The following SECISBP2 variants were observed in gnomAD, a reference collection of about 807,000 sequenced individuals.
SECISBP2 encodes the protein SECIS binding protein 2, also known as selenocysteine insertion sequence-binding protein 2.
SECISBP2 carries 96 observed loss-of-function variants against 98.2 expected under a neutral mutation model. The ratio of observed to expected loss-of-function variants is 0.98; its 90% CI spans 0.83 to 1.16. The LOEUF (loss-of-function observed/expected upper bound fraction) is 1.16, where lower values mean the gene tolerates loss of function less well. SECISBP2 is among the 50% of genes most tolerant of loss of function. The probability of loss-of-function intolerance (pLI) is 0.00; values close to 1 mark genes in which losing one functional copy is unlikely to be tolerated. For synonymous variants in SECISBP2, 407 were observed against 370.2 expected (o/e 1.10, Z -1.14); for missense variants, 1,046 against 1,022.9 (o/e 1.02, Z -0.31).
chr9:89,327,196 C>A (rs1826872056), intron 4 of SECISBP2, among the ~76,000 whole-genome samples: 1 of 151,932 alleles, frequency 6.6e-6, no homozygotes, highest in Non-Finnish European at 1.5e-5. Context: ...AATGTTTTAC[C>A]CGTATAGGGC....
chr9:89,337,697 A>G (rs1341888842), intron 7 of SECISBP2, among the ~76,000 whole-genome samples: 2 of 152,228 alleles, frequency 1.3e-5, no homozygotes, highest in South Asian at 2.1e-4. Flanking sequence ...TCTGAAGTGT[A>G]AATTCGCACT....
chr9:89,326,074 T>A, intron 4 of SECISBP2, 36 bp downstream of exon 4: 1 of 1,602,756 alleles, frequency 6.2e-7, no homozygotes, highest in Non-Finnish European at 8.5e-7. Context: ...AATGCGAGCC[T>A]ACTCCTTGTG....
downstream of SECISBP2, chr9:89,364,086 C>T: frequency 6.4e-7 from 1 of 1,555,060 alleles, no homozygotes; most frequent in Admixed American, 1.8e-5. Context: ...AATTCAGTCC[C>T]TGGGACTGCC....
At position 89,325,906 on chromosome 9, in the gene SECISBP2, T is replaced by C. The variant is rs748219523; in HGVS notation, c.442T>C (p.Tyr148His). 14 of 1,613,900 alleles carry C rather than the reference T, an allele frequency of 8.7e-6. No individual in the cohort carries two copies. The Admixed American group carries it at 1.7e-4, about 19-fold the overall frequency. The change falls in exon 4 of 17, where the codon TAT becomes CAT. Residue 148 changes from tyrosine to histidine, a missense_variant. Tyr to His is a moderately conservative substitution (Grantham distance 83). Coordinates refer to ENST00000375807, the MANE Select transcript of SECISBP2 (RefSeq NM_024077.5). ...TTAATCTTTCCTGCAGAAGAAAACC[T>C]ATGATGAGAAAAAAACGTATGATCA... ...EMKALFKKKTYDEKKTYDQQK... is the reference protein window; with the variant it reads ...EMKALFKKKTHDEKKTYDQQK...
At chr9:89,354,758 T>C (rs564207869) in intron 14 of SECISBP2, 34 of 985,384 alleles carry the variant, frequency 3.5e-5, no homozygotes, top group Middle Eastern at 1.0e-3. Flanking sequence ...TTAGGTTGTT[T>C]CTGCACAGTG....
In SECISBP2 at chr9:89,318,601, C is replaced by T. The variant is rs780299584; in HGVS notation, c.25C>T (p.Pro9Ser). 1 of 1,460,256 alleles carries T rather than the reference C, an allele frequency of 6.8e-7. No homozygotes were observed. The highest frequency in any genetic ancestry group is 1.3e-5 in the South Asian group (1 of 74,908). The allele number at this position is 1,460,256 out of a possible 1,614,324, so 90.5% of individuals were successfully genotyped here. The change falls in exon 1 of 17, where the codon CCC (proline) becomes TCC (serine). Residue 9 changes from proline (P) to serine (S), a missense_variant. Pro to Ser is a moderately conservative substitution (Grantham distance 74). Transcript: ENST00000375807. MASEGPRE[P>S]ESEGIKLSAD... Reference sequence around the variant, plus strand: ...CATGGCGTCGGAGGGGCCGCGGGAGCCCGAAAGCGAGGTAAGGGCCGACGG... The same window carrying T: ...CATGGCGTCGGAGGGGCCGCGGGAGTCCGAAAGCGAGGTAAGGGCCGACGG...
chr9:89,358,017 G>C lies in SECISBP2; in HGVS notation c.2287G>C (p.Val763Leu), dbSNP rs745729230. 1.1e-5 allele frequency: 17 copies of C among 1,613,138 alleles called. No individual in the cohort carries two copies. Among genetic ancestry groups the C allele is most frequent in the Non-Finnish European group, 8.5e-7 (1 of 1,180,016 alleles). The change falls in exon 16 of 17, where the codon GTT (valine) becomes CTT (leucine). Residue 763 changes from valine (V) to leucine (L), a missense_variant. Physicochemically the swap from Val to Leu is conservative, Grantham distance 32 (BLOSUM62 1). Transcript: ENST00000375807. ...DGAQDQFHKMVELTVAARQAY... is the reference protein window; with the variant it reads ...DGAQDQFHKMLELTVAARQAY... ...GCCCAAGGATCAGTTCCACAAGATG[G>C]TTGAGCTGACAGTGGCGGCCCGACA...
intron 10 of SECISBP2, among the ~76,000 whole-genome samples, chr9:89,346,147 T>C (rs530085140): frequency 7.2e-5 from 11 of 152,332 alleles, no homozygotes; most frequent in African/African-American, 1.9e-4. Flanking sequence ...TTACCATTCT[T>C]TTTTCTTTGG....
At chr9:89,342,693 C>T (rs1293515624) in intron 10 of SECISBP2, among the ~76,000 whole-genome samples, 1 of 152,064 alleles carries the variant, frequency 6.6e-6, no homozygotes, top group East Asian at 1.9e-4. Context: ...TGTGTGATTC[C>T]ACCTAAAAGA....
intron 2 of SECISBP2, 102 bp from the exon 3 acceptor site, chr9:89,325,325 G>T: frequency 1.8e-6 from 2 of 1,107,988 alleles, no homozygotes; most frequent in South Asian, 1.3e-5. Flanking sequence ...AGAGTGAATG[G>T]TCTCAGAAAT....
At position 89,350,720 on chromosome 9, in the gene SECISBP2, C is replaced by T. The variant is rs1831151865; in HGVS notation, c.1981C>T (p.Gln661Ter). Reference sequence around the variant, plus strand: ...GGTCCGTTTCCAAGACCGTATGTACCAGAAAGATCCAGTCAAGGCCAAGAC... The same window carrying T: ...GGTCCGTTTCCAAGACCGTATGTACTAGAAAGATCCAGTCAAGGCCAAGAC... ...ELVRFQDRMY[Q>*]KDPVKAKTKR... The change falls in exon 14 of 17, where the codon CAG (glutamine) becomes TAG (stop). Residue 661 changes from glutamine to a stop codon, truncating the protein, a stop_gained. Transcript: ENST00000375807. LOFTEE classifies it high-confidence loss of function. The T allele has an allele frequency of 6.2e-7, 1 of 1,614,058 alleles. No individual in the cohort carries two copies. The highest frequency in any genetic ancestry group is 1.3e-5 in the African/African-American group (1 of 74,922).
chr9:89,363,851 G>A (rs1307990898), downstream of SECISBP2: 1 of 1,614,160 alleles, frequency 6.2e-7, no homozygotes, highest in Non-Finnish European at 8.5e-7. Context: ...CCAGCTGAGT[G>A]CATGGGCCCT....
downstream of SECISBP2, chr9:89,364,045 G>A: frequency 6.2e-7 from 1 of 1,607,748 alleles, no homozygotes; most frequent in Non-Finnish European, 8.5e-7. Context: ...TGCTGTCCCA[G>A]TTGGACCTGA....
chr9:89,340,059 G>A, intron 9 of SECISBP2, 106 bp downstream of exon 9: 1 of 802,144 alleles, frequency 1.2e-6, no homozygotes, highest in Non-Finnish European at 2.1e-6. Context: ...GGTGACAGGT[G>A]GTTTTGTTTT....
At chr9:89,347,981 A>G (rs1381246594) in intron 11 of SECISBP2, 98 bp from the exon 12 acceptor site, 5 of 1,240,234 alleles carry the variant, frequency 4.0e-6, no homozygotes, top group Non-Finnish European at 5.7e-6. Flanking sequence ...TAAGAGGCAC[A>G]TTGCCAAAAA....
Position 89,349,802 on chromosome 9 carries a change from T to A in SECISBP2, c.1765T>A (p.Ser589Thr), listed in dbSNP as rs1345690263. Residue 589 changes from serine to threonine, a missense_variant, in exon 13 of 17, where the codon TCC (serine) becomes ACC (threonine). By Grantham distance (58) the Ser-to-Thr change is moderately conservative (BLOSUM62 1). Transcript: ENST00000375807. The part of the protein sequence containing the change: ...SGPEGMDELI[S>T]TPSVEDKSEE... ...GCCAGAGGGGATGGACGAACTGATC[T>A]CCACTCCTTCGGTTGAGGACAAGTC... is the stretch of plus-strand genomic sequence containing the variant. 1.2e-6 allele frequency: 2 copies of A among 1,614,188 alleles called. No homozygotes were observed. The highest frequency in any genetic ancestry group is 1.7e-6 in the Non-Finnish European group (2 of 1,180,038).
At chr9:89,365,306 C>T in the SECISBP2 span, 4 of 152,358 alleles carry the variant, frequency 2.6e-5, no homozygotes, top group East Asian at 7.7e-4. Flanking sequence ...GGAGGCCGGC[C>T]AGCCTACTCT....
chr9:89,364,154 T>C, downstream of SECISBP2: 1 of 1,042,332 alleles, frequency 9.6e-7, no homozygotes, highest in Non-Finnish European at 1.4e-6. Flanking sequence ...TCCTGTGGAC[T>C]TCCTGCTCTT....
At chr9:89,342,006 G>C (rs1316600560) in intron 10 of SECISBP2, among the ~76,000 whole-genome samples, 2 of 152,162 alleles carry the variant, frequency 1.3e-5, no homozygotes, top group African/African-American at 4.8e-5. Context: ...AAAGCGGAAA[G>C]ACATCTTACA....
Sources: allele counts gnomAD v4.1 joint callset (sites outside exome capture counted in the v4.1 genomes callset), GRCh38; gene constraint gnomAD v4.1.1; transcripts MANE v1.5; gene names NCBI Gene and HGNC (gene_info 2026-07-23, HGNC 2026-07-21).